RBM6: variants seen among roughly 807,000 people sequenced by gnomAD.
RBM6 encodes the protein RNA binding motif protein 6.
RBM6 carries 23 observed loss-of-function variants against 140.4 expected under a neutral mutation model. The observed-to-expected ratio is 0.16, with a 90% CI of 0.12 to 0.23. The LOEUF (loss-of-function observed/expected upper bound fraction) is 0.23. Ranked by LOEUF, RBM6 falls within the 10% of genes least tolerant of loss-of-function variation. The pLI is 1.00. For missense variants in RBM6, 1,139 were observed against 1,386.7 expected (o/e 0.82, Z 2.84); for synonymous variants, 439 against 475.6 (o/e 0.92, Z 1.00).
intron 6 of RBM6, among the ~76,000 whole-genome samples, chr3:50,023,517 A>G (rs148180883): frequency 3.9e-5 from 6 of 152,194 alleles, no homozygotes; most frequent in African/African-American, 1.2e-4. Flanking sequence ...AAAAAGATGC[A>G]TTAAGTAGTG....
At chr3:49,983,932 G>A (rs2085425266) in intron 5 of RBM6, among the ~76,000 whole-genome samples, 1 of 152,108 alleles carries the variant, frequency 6.6e-6, no homozygotes, top group East Asian at 1.9e-4. Context: ...GGTGAGAGAG[G>A]TCCTGGAACA....
At chr3:50,069,786 T>C (rs2624822) in intron 18 of RBM6, among the ~76,000 whole-genome samples, 92,621 of 152,054 alleles carry the variant, frequency 0.61, 28,723 homozygotes, top group East Asian at 0.88. Flanking sequence ...GATTGTAGTA[T>C]TTTTCCTTTC....
At chr3:49,966,968 A>C (rs1045849255) in intron 2 of RBM6, among the ~76,000 whole-genome samples, 2 of 152,142 alleles carry the variant, frequency 1.3e-5, no homozygotes, top group African/African-American at 4.8e-5. Flanking sequence ...GGTGGTGTCC[A>C]TGCTGTATCT....
intron 3 of RBM6, among the ~76,000 whole-genome samples, chr3:49,971,835 T>C (rs2084807703): frequency 6.6e-6 from 1 of 152,254 alleles, no homozygotes; most frequent in South Asian, 2.1e-4. Flanking sequence ...ATGTTTTGCT[T>C]TACTTTGAAG....
intron 5 of RBM6, chr3:49,981,495 T>C (rs1214304077): frequency 2.0e-5 from 3 of 152,214 alleles, no homozygotes; most frequent in Admixed American, 2.0e-4. Context: ...AGATTCTTTA[T>C]TCTAGAACTT....
chr3:49,950,420 C>A (rs1398619579), intron 1 of RBM6, among the ~76,000 whole-genome samples: 1 of 151,964 alleles, frequency 6.6e-6, no homozygotes, highest in Non-Finnish European at 1.5e-5. Context: ...GCAAGATAGA[C>A]CAGAGTGAAA....
chr3:50,006,759 C>T (rs1327197658), intron 6 of RBM6, among the ~76,000 whole-genome samples: 2 of 151,644 alleles, frequency 1.3e-5, no homozygotes, highest in East Asian at 2.0e-4. Context: ...GGTGAAACCC[C>T]GTCTCTACTA....
chr3:50,029,434 AG>A (rs2088020659), intron 6 of RBM6, among the ~76,000 whole-genome samples: 1 of 152,196 alleles, frequency 6.6e-6, no homozygotes, highest in Non-Finnish European at 1.5e-5. Context: ...GGCCACTCAG[AG>A]GTTAAAGGAA....
intron 1 of RBM6, among the ~76,000 whole-genome samples, chr3:49,957,946 C>T (rs1318204804): frequency 2.0e-5 from 3 of 151,960 alleles, no homozygotes; most frequent in African/African-American, 7.3e-5. Flanking sequence ...ATTTTCTTGC[C>T]TCAGGCTCCT....
chr3:49,981,286 G>A (rs927673305), intron 5 of RBM6, among the ~76,000 whole-genome samples: 1 of 152,156 alleles, frequency 6.6e-6, no homozygotes, highest in African/African-American at 2.4e-5. Context: ...ATAGAGCAGT[G>A]GTTCTCAGAG....
At chr3:49,978,529 G>A (rs887018740) in intron 5 of RBM6, among the ~76,000 whole-genome samples, 1 of 152,146 alleles carries the variant, frequency 6.6e-6, no homozygotes, top group Admixed American at 6.6e-5. Context: ...CTCTAGAGCT[G>A]TATAAGTACA....
chr3:49,950,805 A>G (rs532507066), intron 1 of RBM6, among the ~76,000 whole-genome samples: 11 of 152,078 alleles, frequency 7.2e-5, no homozygotes, highest in Non-Finnish European at 1.3e-4. Flanking sequence ...TAGAATTACC[A>G]TGTGATCTAA....
intron 5 of RBM6, among the ~76,000 whole-genome samples, chr3:49,997,579 T>C (rs930250597): frequency 2.0e-5 from 3 of 152,210 alleles, no homozygotes; most frequent in African/African-American, 7.2e-5. Flanking sequence ...CACACCTGGG[T>C]ACTCCATTGA....
intron 6 of RBM6, among the ~76,000 whole-genome samples, chr3:50,009,252 T>G (rs1175850357): frequency 6.6e-6 from 1 of 152,194 alleles, no homozygotes; most frequent in East Asian, 1.9e-4. Flanking sequence ...GCACAAGCAT[T>G]CAGGCATGTG....
intron 6 of RBM6, among the ~76,000 whole-genome samples, chr3:50,017,715 C>T (rs1031519813): frequency 1.3e-5 from 2 of 152,114 alleles, no homozygotes; most frequent in African/African-American, 4.8e-5. Flanking sequence ...TATTTTCTCT[C>T]AATCTGTGCA....
chr3:50,043,891 T>TC (rs1424300917), intron 6 of RBM6, among the ~76,000 whole-genome samples: 1 of 146,010 alleles, frequency 6.8e-6, no homozygotes, highest in Non-Finnish European at 1.5e-5. Flanking sequence ...CTTTTTTTTT[T>TC]TTTTTTTAAA....
intron 6 of RBM6, among the ~76,000 whole-genome samples, chr3:50,018,959 G>T (rs2087334950): frequency 6.6e-6 from 1 of 151,984 alleles, no homozygotes; most frequent in African/African-American, 2.4e-5. Context: ...AATTTGCATT[G>T]CTACCAGCAA....
chr3:50,061,814 G>A (rs751296739), intron 14 of RBM6, 148 bp from the exon 15 acceptor site: 352 of 1,279,046 alleles, frequency 2.8e-4, no homozygotes, highest in Non-Finnish European at 3.6e-4. Flanking sequence ...GGTCCCTGGA[G>A]TGGGTTTTTA....
intron 6 of RBM6, among the ~76,000 whole-genome samples, chr3:50,009,012 C>G (rs1284483659): frequency 6.6e-6 from 1 of 152,182 alleles, no homozygotes; most frequent in South Asian, 2.1e-4. Flanking sequence ...AAGGGTGATT[C>G]ATAACACTGG....
Sources: allele counts gnomAD v4.1 joint callset (sites outside exome capture counted in the v4.1 genomes callset), GRCh38; gene constraint gnomAD v4.1.1; transcripts MANE v1.5; gene names NCBI Gene and HGNC (gene_info 2026-07-23, HGNC 2026-07-21).